Variants in UGT1A7 observed in about 807,000 individuals in gnomAD.
UGT1A7 encodes UDP-glucuronosyltransferase 1A7.
Under a neutral mutation model 45.6 loss-of-function variants are expected in UGT1A7, and 33 were observed. The observed-to-expected ratio is 0.72, with a 90% confidence interval of 0.55 to 0.97. The LOEUF (loss-of-function observed/expected upper bound fraction) is 0.97, where lower values mean the gene tolerates loss of function less well. UGT1A7 is among the 50% of genes least tolerant of loss of function. The probability of loss-of-function intolerance (pLI) is 0.00; values close to 1 mark genes in which losing one functional copy is unlikely to be tolerated. For missense variants in UGT1A7, 684 were observed against 666.2 expected (o/e 1.03, Z -0.29); for synonymous variants, 274 against 250.6 (o/e 1.09, Z -0.88).
At chr2:233,728,679 GAA>G (rs1247668399) in intron 1 of UGT1A7, among the ~76,000 whole-genome samples, 1 of 152,248 alleles carries the variant, frequency 6.6e-6, no homozygotes, top group Non-Finnish European at 1.5e-5. Flanking sequence ...TACATGAGAA[GAA>G]AGTTTCAAGG....
At chr2:233,692,979 C>T (rs2075124196) in intron 1 of UGT1A7, 1 of 1,612,844 alleles carries the variant, frequency 6.2e-7, no homozygotes, top group Admixed American at 1.7e-5. Flanking sequence ...CTCTTTATTA[C>T]CGTTGTTACT....
intron 2 of UGT1A7, among the ~76,000 whole-genome samples, chr2:233,767,644 C>T (rs983421121): frequency 2.0e-5 from 3 of 152,120 alleles, no homozygotes; most frequent in South Asian, 4.1e-4. Flanking sequence ...CACAAATTCA[C>T]GTAGTGCATA....
intron 1 of UGT1A7, among the ~76,000 whole-genome samples, chr2:233,764,716 G>C (rs1292483836): frequency 6.6e-6 from 1 of 152,182 alleles, no homozygotes; most frequent in Non-Finnish European, 1.5e-5. Context: ...GTCTCCCCAA[G>C]AAAGAGGGAG....
intron 1 of UGT1A7, chr2:233,713,940 A>G (rs2076357605): frequency 6.2e-7 from 1 of 1,610,192 alleles, no homozygotes; most frequent in African/African-American, 1.3e-5. Context: ...GTGCTTCCAT[A>G]TCTACTTATC....
At chr2:233,766,675 C>G (rs1309582394) in intron 1 of UGT1A7, among the ~76,000 whole-genome samples, 1 of 152,200 alleles carries the variant, frequency 6.6e-6, no homozygotes, top group Non-Finnish European at 1.5e-5. Context: ...CCCAGCTCTT[C>G]CCTTCTGTAT....
intron 1 of UGT1A7, among the ~76,000 whole-genome samples, chr2:233,738,050 G>C (rs1314850811): frequency 6.6e-6 from 1 of 152,082 alleles, no homozygotes; most frequent in Non-Finnish European, 1.5e-5. Flanking sequence ...TTGAGGACAG[G>C]ACATGGTGGG....
chr2:233,760,639 A>G, intron 1 of UGT1A7: 1 of 1,614,156 alleles, frequency 6.2e-7, no homozygotes, highest in African/African-American at 1.3e-5. Context: ...GAAAATAAAA[A>G]AGGACTCTGC....
chr2:233,757,231 AGTG>A (rs1225021845), intron 1 of UGT1A7, among the ~76,000 whole-genome samples: 2 of 127,510 alleles, frequency 1.6e-5, no homozygotes, highest in African/African-American at 6.0e-5. Flanking sequence ...AGGTTCCAGA[AGTG>A]GTGGTGAGGT....
chr2:233,704,493 GT>G (rs1301421606), intron 1 of UGT1A7, among the ~76,000 whole-genome samples: 1 of 151,394 alleles, frequency 6.6e-6, no homozygotes, highest in East Asian at 1.9e-4. Context: ...TGATATTATT[GT>G]TATACGTGGT....
At chr2:233,746,220 C>T (rs753695127) in intron 1 of UGT1A7, among the ~76,000 whole-genome samples, 8 of 151,652 alleles carry the variant, frequency 5.3e-5, no homozygotes, top group African/African-American at 2.0e-4. Context: ...ATAGCAAGGA[C>T]AGATATGCAA....
chr2:233,737,713 A>C (rs1453713127), intron 1 of UGT1A7, among the ~76,000 whole-genome samples: 1 of 151,992 alleles, frequency 6.6e-6, no homozygotes, highest in Non-Finnish European at 1.5e-5. Flanking sequence ...TCTCCTCTCC[A>C]ACACCTCCTT....
intron 1 of UGT1A7, among the ~76,000 whole-genome samples, chr2:233,765,977 C>T (rs1699015249): frequency 6.6e-6 from 1 of 152,154 alleles, no homozygotes; most frequent in Non-Finnish European, 1.5e-5. Context: ...TGGATGTTTA[C>T]AGCTCCTGAA....
chr2:233,682,705 CTTTG>C lies in UGT1A7; in HGVS notation c.772_775del (p.Val258TrpfsTer7), dbSNP rs763830495. On this transcript the variant is annotated frameshift_variant, in exon 1 of 5. Coordinates refer to ENST00000373426, the MANE Select transcript of UGT1A7 (RefSeq NM_019077.3). LOFTEE classifies it high-confidence loss of function. ...CATCAATTTGGTTGTTGCGAACTGA[CTTTG>C]TTTTGGAGTATCCCAAACCCGTGAT... 3 of 1,613,868 alleles carry C rather than the reference CTTTG, an allele frequency of 1.9e-6. No individual in the cohort carries two copies. The South Asian group carries it at 3.3e-5, about 18-fold the overall frequency.
chr2:233,690,121 G>A (rs1008898157), intron 1 of UGT1A7, among the ~76,000 whole-genome samples: 5 of 152,190 alleles, frequency 3.3e-5, no homozygotes, highest in Admixed American at 2.0e-4. Flanking sequence ...ATATGTCTTT[G>A]TAACTTGGTG....
chr2:233,762,430 C>CCATAAA, intron 1 of UGT1A7, among the ~76,000 whole-genome samples: 1 of 152,296 alleles, frequency 6.6e-6, no homozygotes, highest in African/African-American at 2.4e-5. Context: ...AATAGAGTAA[C>CCATAAA]AGTGTATTCC....
At chr2:233,767,511 A>G (rs1020159718) in intron 2 of UGT1A7, among the ~76,000 whole-genome samples, 21 of 152,248 alleles carry the variant, frequency 1.4e-4, no homozygotes, top group African/African-American at 3.9e-4. Context: ...GTTGGTTAGA[A>G]CACTGAATTT....
intron 1 of UGT1A7, among the ~76,000 whole-genome samples, chr2:233,726,404 T>C (rs1458945930): frequency 6.6e-6 from 1 of 152,210 alleles, no homozygotes; most frequent in Non-Finnish European, 1.5e-5. Flanking sequence ...TCTTTTGATG[T>C]CAGCATTCTG....
At chr2:233,748,205 G>C in intron 1 of UGT1A7, 1 of 1,514,056 alleles carries the variant, frequency 6.6e-7, no homozygotes, top group South Asian at 1.3e-5. Flanking sequence ...TGTCGTAATA[G>C]CCTTCAGTGA....
chr2:233,743,793 C>G (rs768890081), intron 1 of UGT1A7: 1 of 1,367,374 alleles, frequency 7.3e-7, no homozygotes. Flanking sequence ...CTCCTCTCCG[C>G]TTCCTCCTTG....
Sources: allele counts gnomAD v4.1 joint callset (sites outside exome capture counted in the v4.1 genomes callset), GRCh38; gene constraint gnomAD v4.1.1; transcripts MANE v1.5; gene names NCBI Gene and HGNC (gene_info 2026-07-23, HGNC 2026-07-21).